The following SAMD12 variants were observed in gnomAD, a reference collection of about 807,000 sequenced individuals.
SAMD12 encodes the protein sterile alpha motif domain containing 12.
A neutral mutation model predicts 15.0 loss-of-function variants in SAMD12; 9 were observed. That is an observed-to-expected ratio of 0.60 (90% CI 0.36 to 1.05). The LOEUF (loss-of-function observed/expected upper bound fraction) is 1.05, where lower values mean the gene tolerates loss of function less well. Among genes scored for constraint, SAMD12 ranks in the 50% least tolerant of loss-of-function variants. SAMD12 has a pLI of 0.01. For synonymous variants in SAMD12, 86 were observed against 90.1 expected (o/e 0.96, Z 0.25); for missense variants, 230 against 234.2 (o/e 0.98, Z 0.12).
the SAMD12 span, among the ~76,000 whole-genome samples, chr8:118,134,415 T>C: frequency 6.6e-6 from 1 of 152,238 alleles, no homozygotes; most frequent in African/African-American, 2.4e-5. Context: ...TTTGAGACCT[T>C]AATTATCCCA....
intron 2 of SAMD12, among the ~76,000 whole-genome samples, chr8:118,526,680 G>A (rs1478932926): frequency 1.3e-5 from 2 of 152,164 alleles, no homozygotes; most frequent in African/African-American, 4.8e-5. Context: ...TGAGGGCACA[G>A]TTAACAGAAA....
intron 4 of SAMD12, among the ~76,000 whole-genome samples, chr8:118,204,354 C>T (rs918823173): frequency 6.6e-6 from 1 of 152,166 alleles, no homozygotes; most frequent in African/African-American, 2.4e-5. Flanking sequence ...CTGCCACTCT[C>T]TGCCCCACAA....
intron 3 of SAMD12, among the ~76,000 whole-genome samples, chr8:118,380,789 T>G (rs1326293082): frequency 2.6e-5 from 4 of 152,210 alleles, no homozygotes; most frequent in Non-Finnish European, 4.4e-5. Context: ...AGCAGCAGCT[T>G]GTGTTGTTTA....
chr8:118,531,163 C>A (rs1243738024), intron 2 of SAMD12, among the ~76,000 whole-genome samples: 2 of 152,210 alleles, frequency 1.3e-5, no homozygotes, highest in Non-Finnish European at 2.9e-5. Flanking sequence ...CCAGTTTTCC[C>A]AGCACCATTT....
At chr8:118,486,397 CAGAG>C (rs1166832631) in intron 2 of SAMD12, among the ~76,000 whole-genome samples, 2 of 145,292 alleles carry the variant, frequency 1.4e-5, no homozygotes, top group Admixed American at 6.9e-5. Context: ...GCCTGGGTGA[CAGAG>C]AGAGAATCCG....
intron 4 of SAMD12, among the ~76,000 whole-genome samples, chr8:118,304,687 G>A (rs1011584635): frequency 2.6e-5 from 4 of 151,690 alleles, no homozygotes; most frequent in Non-Finnish European, 5.9e-5. Flanking sequence ...GTGAACCCGG[G>A]AGGTGGAGGT....
chr8:118,427,811 ATCATC>A (rs1319968756), intron 3 of SAMD12, among the ~76,000 whole-genome samples: 9 of 152,196 alleles, frequency 5.9e-5, no homozygotes, highest in African/African-American at 2.2e-4. Context: ...GAACTGCAGA[ATCATC>A]TCATAAGTTT....
In SAMD12 at chr8:118,566,735, G is replaced by C. The variant is rs191163814; in HGVS notation, c.192+13980C>G. ...AACCAGAGAGACTGTTCATCCAAGGGGGGCAGCTTCTTGACAACTCCAAAT... is the reference window on the plus strand; with the variant it reads ...AACCAGAGAGACTGTTCATCCAAGGCGGGCAGCTTCTTGACAACTCCAAAT... On this transcript the variant is annotated intron_variant, in intron 2 of 3. Coordinates refer to ENST00000314727, the MANE Select transcript of SAMD12 (RefSeq NM_207506.3). Among the ~76,000 whole-genome samples, 21 of 152,232 alleles carry C rather than the reference G, an allele frequency of 1.4e-4. No homozygotes were observed. In the East Asian group the frequency reaches 3.7e-3, roughly 27 times the overall value.
chr8:118,538,709 A>G (rs1239611808), intron 2 of SAMD12, among the ~76,000 whole-genome samples: 1 of 152,180 alleles, frequency 6.6e-6, no homozygotes, highest in Admixed American at 6.5e-5. Flanking sequence ...TATAAAGTCA[A>G]AACCAGGTAC....
chr8:118,273,020 T>C (rs1563725239), intron 4 of SAMD12, among the ~76,000 whole-genome samples: 1 of 152,210 alleles, frequency 6.6e-6, no homozygotes, highest in Non-Finnish European at 1.5e-5. Flanking sequence ...TCAAGTATCC[T>C]TATAGCGGCA....
intron 4 of SAMD12, among the ~76,000 whole-genome samples, chr8:118,370,447 G>A (rs1819032458): frequency 1.3e-5 from 2 of 152,054 alleles, no homozygotes. Context: ...TATACCCAAA[G>A]GAATATAAAT....
At chr8:118,365,441 A>T (rs1818714803) in intron 4 of SAMD12, among the ~76,000 whole-genome samples, 1 of 152,168 alleles carries the variant, frequency 6.6e-6, no homozygotes, top group Non-Finnish European at 1.5e-5. Flanking sequence ...AACATGAACG[A>T]AACAAAAAAG....
At chr8:118,534,441 G>A (rs1825782083) in intron 2 of SAMD12, among the ~76,000 whole-genome samples, 1 of 152,134 alleles carries the variant, frequency 6.6e-6, no homozygotes, top group Non-Finnish European at 1.5e-5. Flanking sequence ...TCTTCTCGAG[G>A]AGTATCTCTG....
At chr8:118,178,631 A>G in the SAMD12 span, among the ~76,000 whole-genome samples, 1 of 152,018 alleles carries the variant, frequency 6.6e-6, no homozygotes, top group Non-Finnish European at 1.5e-5. Flanking sequence ...ATTCCCAGCT[A>G]AATTTTGTAT....
intron 4 of SAMD12, among the ~76,000 whole-genome samples, chr8:118,223,423 A>G (rs1268860759): frequency 6.6e-6 from 1 of 152,202 alleles, no homozygotes; most frequent in African/African-American, 2.4e-5. Flanking sequence ...CCATGAGCCA[A>G]AAACATCTTA....
chr8:118,354,606 T>C (rs80266854), intron 4 of SAMD12, among the ~76,000 whole-genome samples: 1,669 of 152,320 alleles, frequency 0.011, 26 homozygotes, highest in African/African-American at 0.039. Context: ...AAATAAAGTA[T>C]AAAGTCAGTT....
At chr8:118,519,850 T>C (rs1249232518) in intron 2 of SAMD12, among the ~76,000 whole-genome samples, 1 of 152,342 alleles carries the variant, frequency 6.6e-6, no homozygotes, top group Middle Eastern at 3.4e-3. Flanking sequence ...ATCTAGTCTG[T>C]GTATTCTAGA....
chr8:118,142,960 C>T, the SAMD12 span, among the ~76,000 whole-genome samples: 1 of 152,210 alleles, frequency 6.6e-6, no homozygotes, highest in Non-Finnish European at 1.5e-5. Flanking sequence ...ACCACAGGCA[C>T]CGGCCAGGGC....
At chr8:118,236,991 G>A (rs1308382192) in intron 4 of SAMD12, among the ~76,000 whole-genome samples, 1 of 152,074 alleles carries the variant, frequency 6.6e-6, no homozygotes, top group East Asian at 1.9e-4. Flanking sequence ...CCTCTGAACT[G>A]TGTAATAGCA....
Sources: allele counts gnomAD v4.1 joint callset (sites outside exome capture counted in the v4.1 genomes callset), GRCh38; gene constraint gnomAD v4.1.1; transcripts MANE v1.5; gene names NCBI Gene and HGNC (gene_info 2026-07-23, HGNC 2026-07-21).